Variants in GLB1 observed in about 807,000 individuals in gnomAD.
The protein encoded by GLB1 is galactosidase beta 1.
A neutral mutation model predicts 74.0 loss-of-function variants in GLB1; 56 were observed. The observed-to-expected ratio is 0.76, with a 90% CI of 0.61 to 0.94. The LOEUF (loss-of-function observed/expected upper bound fraction) is 0.94. Among genes scored for constraint, GLB1 ranks in the 40% least tolerant of loss-of-function variants. The pLI is 0.00. For synonymous variants in GLB1, 323 were observed against 323.6 expected (o/e 1.00, Z 0.02); for missense variants, 787 against 845.5 (o/e 0.93, Z 0.86).
At chr3:32,985,284 T>C in the GLB1 span, among the ~76,000 whole-genome samples, 1 of 152,076 alleles carries the variant, frequency 6.6e-6, no homozygotes, top group African/African-American at 2.4e-5. Flanking sequence ...GTTGTAACTT[T>C]ATATTTTTAT....
intron 1 of GLB1, among the ~76,000 whole-genome samples, chr3:33,078,787 T>C (rs1700219785): frequency 6.6e-6 from 1 of 152,218 alleles, no homozygotes; most frequent in African/African-American, 2.4e-5. Context: ...TAGGTCAGTG[T>C]GAACCTGGTT....
the GLB1 span, among the ~76,000 whole-genome samples, chr3:32,990,867 G>T: frequency 6.6e-6 from 1 of 152,066 alleles, no homozygotes. Context: ...CCAGCTACTC[G>T]GGAGGCTGAG....
chr3:33,052,220 A>C (rs1699023941), intron 7 of GLB1, among the ~76,000 whole-genome samples: 1 of 152,210 alleles, frequency 6.6e-6, no homozygotes. Context: ...CATCTTATAC[A>C]ATGCAAGTAT....
chr3:33,087,398 C>T (rs956941931), intron 1 of GLB1, among the ~76,000 whole-genome samples: 1 of 151,928 alleles, frequency 6.6e-6, no homozygotes, highest in African/African-American at 2.4e-5. Flanking sequence ...GGTGAAACCC[C>T]GTCTCTACTA....
At chr3:33,005,390 G>A (rs1414871728) in intron 15 of GLB1, among the ~76,000 whole-genome samples, 3 of 152,112 alleles carry the variant, frequency 2.0e-5, no homozygotes, top group Non-Finnish European at 4.4e-5. Context: ...GCAATCTTAA[G>A]CACTTATAAT....
At chr3:33,018,669 GA>G in intron 12 of GLB1, 108 bp from the exon 13 acceptor site, 1 of 1,227,358 alleles carries the variant, frequency 8.1e-7, no homozygotes, top group South Asian at 1.3e-5. Flanking sequence ...CATAAGGAAT[GA>G]AAATCTTCCT....
the GLB1 span, among the ~76,000 whole-genome samples, chr3:32,985,752 T>C: frequency 6.6e-6 from 1 of 151,900 alleles, no homozygotes; most frequent in African/African-American, 2.4e-5. Context: ...GTTACGCAGA[T>C]TTCAGTGCAG....
At chr3:33,078,432 G>A (rs914602088) in intron 1 of GLB1, among the ~76,000 whole-genome samples, 3 of 152,134 alleles carry the variant, frequency 2.0e-5, no homozygotes, top group African/African-American at 4.8e-5. Context: ...AAAAAAAGTC[G>A]AATAGCCAGA....
chr3:32,999,440 G>T (rs573270842), intron 15 of GLB1, among the ~76,000 whole-genome samples: 3 of 152,322 alleles, frequency 2.0e-5, no homozygotes, highest in Middle Eastern at 3.4e-3. Flanking sequence ...CACAGGCCAA[G>T]CCAACTCTTG....
rs1359332832 is a variant in GLB1 at position 33,051,881 on chromosome 3, A to C, written c.914+2T>G. 6.2e-7 allele frequency: 1 copy of C among 1,614,250 alleles called. No homozygotes were observed. The highest frequency in any genetic ancestry group is 8.5e-7 in the Non-Finnish European group (1 of 1,180,048). ...CCCTCCCCTCAGGCAATGAACACTC[A>C]CAAGTTCACACTCGCCCCACGGGCA... is the stretch of plus-strand genomic sequence containing the variant. On this transcript the variant is annotated splice_donor_variant, in intron 8 of 15. Coordinates refer to ENST00000307363, the MANE Select transcript of GLB1 (RefSeq NM_000404.4). LOFTEE classifies it high-confidence loss of function.
intron 10 of GLB1, among the ~76,000 whole-genome samples, chr3:33,040,330 G>A (rs984293853): frequency 6.6e-6 from 1 of 151,936 alleles, no homozygotes; most frequent in Admixed American, 6.6e-5. Flanking sequence ...ATTCTCTCTG[G>A]AAGAACCCAC....
chr3:33,092,145 G>A (rs917502206), intron 1 of GLB1: 7 of 985,444 alleles, frequency 7.1e-6, no homozygotes, highest in African/African-American at 7.0e-5. Context: ...CGACCATGGC[G>A]CCCACCGTTC....
At chr3:33,005,601 A>G (rs1461711630) in intron 15 of GLB1, among the ~76,000 whole-genome samples, 3 of 152,102 alleles carry the variant, frequency 2.0e-5, no homozygotes, top group African/African-American at 7.2e-5. Flanking sequence ...GGCTCAAGCA[A>G]TCCTCCCATC....
At chr3:33,020,620 G>C (rs1214143930) in intron 12 of GLB1, among the ~76,000 whole-genome samples, 1 of 152,202 alleles carries the variant, frequency 6.6e-6, no homozygotes, top group Non-Finnish European at 1.5e-5. Flanking sequence ...GTTTCAGACG[G>C]AAGAAGACTA....
At chr3:32,975,847 C>T in the GLB1 span, among the ~76,000 whole-genome samples, 5 of 152,140 alleles carry the variant, frequency 3.3e-5, no homozygotes, top group African/African-American at 9.7e-5. Flanking sequence ...AAGTAACACC[C>T]ACTAAGAAAG....
intron 1 of GLB1, 93 bp from the exon 2 acceptor site, chr3:33,072,806 G>C (rs1011768528): frequency 1.9e-5 from 29 of 1,560,960 alleles, no homozygotes; most frequent in African/African-American, 2.7e-5. Context: ...TCTGCCTATT[G>C]AATTTGTATA....
the GLB1 span, among the ~76,000 whole-genome samples, chr3:32,962,053 G>T: frequency 1.3e-5 from 2 of 152,148 alleles, no homozygotes; most frequent in Non-Finnish European, 2.9e-5. Flanking sequence ...AATTAGCTGG[G>T]CATGGTGGTG....
intron 5 of GLB1, among the ~76,000 whole-genome samples, chr3:33,060,039 A>G (rs942319939): frequency 2.6e-5 from 4 of 152,182 alleles, no homozygotes; most frequent in African/African-American, 7.2e-5. Flanking sequence ...GGTAGAGGAT[A>G]TTCCTACATA....
At chr3:33,074,413 T>C (rs1434703440) in intron 1 of GLB1, among the ~76,000 whole-genome samples, 1 of 52,530 alleles carries the variant, frequency 1.9e-5, no homozygotes, top group Non-Finnish European at 4.3e-5. Context: ...AGAAAGAATA[T>C]TACACATAGT....
Sources: allele counts gnomAD v4.1 joint callset (sites outside exome capture counted in the v4.1 genomes callset), GRCh38; gene constraint gnomAD v4.1.1; transcripts MANE v1.5; gene names NCBI Gene and HGNC (gene_info 2026-07-23, HGNC 2026-07-21).